VANGL1: variants seen among roughly 807,000 people sequenced by gnomAD.
VANGL1 encodes VANGL planar cell polarity protein 1.
In VANGL1, 18 loss-of-function variants were observed where a neutral mutation model predicts 48.4. The ratio of observed to expected loss-of-function variants is 0.37; its 90% confidence interval spans 0.26 to 0.55. The LOEUF (loss-of-function observed/expected upper bound fraction) is 0.55, where lower values mean the gene tolerates loss of function less well. Ranked by LOEUF, VANGL1 falls within the 20% of genes least tolerant of loss-of-function variation. VANGL1 has a pLI of 0.81. For missense variants in VANGL1, 667 were observed against 675.8 expected (o/e 0.99, Z 0.14); for synonymous variants, 257 against 261.8 (o/e 0.98, Z 0.18).
chr1:115,674,183 T>C, intron 4 of VANGL1, among the ~76,000 whole-genome samples: 1 of 152,200 alleles, frequency 6.6e-6, no homozygotes, highest in East Asian at 1.9e-4. Context: ...GTCCCTGGTG[T>C]GACCATCATT....
chr1:115,644,183 T>C (rs73007414), intron 1 of VANGL1, among the ~76,000 whole-genome samples: 6,661 of 152,290 alleles, frequency 0.044, 480 homozygotes, highest in African/African-American at 0.15. Context: ...AGAACACAGG[T>C]TCTGGAGTTA....
intron 2 of VANGL1, among the ~76,000 whole-genome samples, chr1:115,657,592 C>G (rs1652396458): frequency 6.7e-6 from 1 of 148,916 alleles, no homozygotes; most frequent in South Asian, 2.1e-4. Context: ...TCTGGGTAAA[C>G]AACCAAATTT....
chr1:115,680,018 T>A (rs1238514066), intron 4 of VANGL1, among the ~76,000 whole-genome samples: 18 of 55,018 alleles, frequency 3.3e-4, no homozygotes, highest in African/African-American at 9.4e-4. Flanking sequence ...TGTGTGTGTG[T>A]GTGTATGTGA....
Position 115,642,007 on chromosome 1 carries a change from G to T in VANGL1, c.-217G>T. 6.6e-6 allele frequency: 1 copy of T among 151,748 alleles called. No homozygotes were observed. Among genetic ancestry groups the T allele is most frequent in the South Asian group, 1.9e-4 (1 of 5,400 alleles). The allele number at this position is 151,748 out of a possible 1,614,324, so 9.4% of individuals were successfully genotyped here. ...GCGGCGGCGGGGCTCTGCCTCTCCA[G>T]GAGCCCAGCGCAGGCCGCAGAGCCG... is the stretch of plus-strand genomic sequence containing the variant. On this transcript the variant is annotated 5_prime_UTR_variant, in exon 1 of 8. In the 5' UTR this introduces an upstream ATG that the reference lacks. Transcript: ENST00000355485.
At chr1:115,660,934 T>A (rs1010311160) in intron 3 of VANGL1, among the ~76,000 whole-genome samples, 5 of 152,132 alleles carry the variant, frequency 3.3e-5, no homozygotes, top group African/African-American at 1.2e-4. Flanking sequence ...AGTCTTAGGA[T>A]TGGATCACCC....
chr1:115,663,466 C>G (rs899441842), intron 3 of VANGL1, among the ~76,000 whole-genome samples, 195 bp from the exon 4 acceptor site: 3 of 152,164 alleles, frequency 2.0e-5, no homozygotes, highest in Admixed American at 2.0e-4. Context: ...AGGTAAATAC[C>G]TCATACATTT....
chr1:115,646,537 C>G lies in VANGL1; in HGVS notation c.-138+4451C>G, dbSNP rs1424647254. Among the ~76,000 whole-genome samples the G allele has an allele frequency of 2.5e-5, 3 of 121,426 alleles. No individual in the cohort carries two copies. The South Asian group carries it at 8.1e-4, about 33-fold the overall frequency. 79.7% of individuals were successfully genotyped at this position (121,426 alleles called of 152,430 possible). Reference sequence around the variant, plus strand: ...GATAGTTCTGGTATCACGCCTCTATCTAATATCTGCATCTTTTTTTTTGCC... The same window carrying G: ...GATAGTTCTGGTATCACGCCTCTATGTAATATCTGCATCTTTTTTTTTGCC... On this transcript the variant is annotated intron_variant, in intron 1 of 7. Coordinates refer to ENST00000355485, the MANE Select transcript of VANGL1 (RefSeq NM_138959.3).
chr1:115,647,870 A>C (rs1330835047), intron 1 of VANGL1, among the ~76,000 whole-genome samples: 1 of 152,202 alleles, frequency 6.6e-6, no homozygotes, highest in African/African-American at 2.4e-5. Flanking sequence ...AGCAAGAGGA[A>C]TCTCAGTAGG....
intron 4 of VANGL1, among the ~76,000 whole-genome samples, chr1:115,670,426 G>A (rs1652936210): frequency 6.6e-6 from 1 of 152,114 alleles, no homozygotes; most frequent in Admixed American, 6.6e-5. Flanking sequence ...CTTGCAAGGG[G>A]GCCTTGCTTC....
In VANGL1 at chr1:115,685,532, G is replaced by C. The variant is rs773079760; in HGVS notation, c.1314+5G>C. ...ACCAACGGCATGACCCCCAAGGTGC[G>C]CTGCTCCGGGCGGGCTCTGCCACCG... On this transcript the variant is annotated splice_donor_5th_base_variant and intron_variant, in intron 7 of 7. Coordinates refer to ENST00000355485, the MANE Select transcript of VANGL1 (RefSeq NM_138959.3). 1.9e-6 allele frequency: 3 copies of C among 1,613,554 alleles called. No individual in the cohort carries two copies. Among genetic ancestry groups the C allele is most frequent in the Non-Finnish European group, 2.5e-6 (3 of 1,179,796 alleles).
chr1:115,697,920 C>G lies in VANGL1; in HGVS notation c.*6541C>G, dbSNP rs1350818086. The stretch of plus-strand genomic sequence containing the variant: ...AGGCCTGAGTGAGTTCCTGCATAAA[C>G]TGGGTAGTGGGCTCTTTTGACACAT... On this transcript the variant is annotated 3_prime_UTR_variant, in exon 8 of 8. Coordinates refer to ENST00000355485, the MANE Select transcript of VANGL1 (RefSeq NM_138959.3). 1 of 152,206 alleles carries G rather than the reference C, an allele frequency of 6.6e-6. No individual in the cohort carries two copies. Among genetic ancestry groups the G allele is most frequent in the Non-Finnish European group, 1.5e-5 (1 of 68,056 alleles). The allele number at this position is 152,206 out of a possible 1,614,324, so 9.4% of individuals were successfully genotyped here.
intron 2 of VANGL1, among the ~76,000 whole-genome samples, chr1:115,652,579 G>A (rs933853338): frequency 1.3e-5 from 2 of 152,210 alleles, no homozygotes; most frequent in African/African-American, 4.8e-5. Flanking sequence ...TGCTGTAATG[G>A]CCTTGGCATT....
chr1:115,661,782 T>A (rs1309715065), intron 3 of VANGL1, among the ~76,000 whole-genome samples: 1 of 152,082 alleles, frequency 6.6e-6, no homozygotes, highest in Non-Finnish European at 1.5e-5. Flanking sequence ...CACGCCCAGC[T>A]AATTTTTGTA....
chr1:115,661,598 A>G (rs1468749861), intron 3 of VANGL1, among the ~76,000 whole-genome samples: 1 of 151,870 alleles, frequency 6.6e-6, no homozygotes, highest in African/African-American at 2.4e-5. Context: ...TAGTGGATGG[A>G]CATTTGGGTT....
chr1:115,676,478 G>A (rs1462027448), intron 4 of VANGL1, among the ~76,000 whole-genome samples: 1 of 152,138 alleles, frequency 6.6e-6, no homozygotes, highest in African/African-American at 2.4e-5. Flanking sequence ...CAACATATAT[G>A]GCCATATAAG....
Position 115,664,015 on chromosome 1 carries a change from G to A in VANGL1, c.559G>A (p.Ala187Thr), listed in dbSNP as rs758450631. Residue 187 changes from alanine (A) to threonine (T), a missense_variant, in exon 4 of 8, where the codon GCC (alanine) becomes ACC (threonine). By Grantham distance (58) the Ala-to-Thr change is moderately conservative (BLOSUM62 0). Transcript: ENST00000355485. The part of the protein sequence containing the change: ...ADMPRVFVFR[A>T]LLLVLIFLFV... ...CATGCCACGGGTGTTTGTGTTTCGTGCCCTTTTGTTGGTCCTCATCTTTCT... is the reference window on the plus strand; with the variant it reads ...CATGCCACGGGTGTTTGTGTTTCGTACCCTTTTGTTGGTCCTCATCTTTCT... 2 of 1,614,166 alleles carry A rather than the reference G, an allele frequency of 1.2e-6. No homozygotes were observed. The highest frequency in any genetic ancestry group is 1.7e-6 in the Non-Finnish European group (2 of 1,180,042).
intron 4 of VANGL1, among the ~76,000 whole-genome samples, chr1:115,680,317 C>T (rs116157636): frequency 2.6e-5 from 4 of 152,164 alleles, no homozygotes; most frequent in Middle Eastern, 3.2e-3. Flanking sequence ...CTCAGCCCCA[C>T]GTGTTCCAGC....
chr1:115,690,694 C>G (rs1289181286), intron 7 of VANGL1, among the ~76,000 whole-genome samples: 9 of 152,210 alleles, frequency 5.9e-5, no homozygotes, highest in Admixed American at 5.9e-4. Context: ...CTTGTATTTC[C>G]TGACTGCTCC....
At chr1:115,661,617 T>C (rs1359963216) in intron 3 of VANGL1, among the ~76,000 whole-genome samples, 2 of 152,018 alleles carry the variant, frequency 1.3e-5, no homozygotes, top group Admixed American at 6.6e-5. Context: ...TTTTTTTTGT[T>C]GTTGTTTGTT....
Sources: gnomAD v4.1 joint callset for allele counts (sites outside exome capture counted in the v4.1 genomes callset) on GRCh38, gnomAD v4.1.1 for gene constraint, MANE v1.5 for transcripts, NCBI Gene and HGNC (gene_info 2026-07-23, HGNC 2026-07-21) for gene names.